The following PHAF1 variants were observed in gnomAD, a reference collection of about 807,000 sequenced individuals.
PHAF1 encodes the protein phagophore assembly factor 1.
Under a neutral mutation model 63.1 loss-of-function variants are expected in PHAF1, and 23 were observed. The observed-to-expected ratio is 0.36, with a 90% CI of 0.26 to 0.52. PHAF1 has a LOEUF of 0.52. Among genes scored for constraint, PHAF1 ranks in the 20% least tolerant of loss-of-function variants. PHAF1 has a pLI of 0.93. For synonymous variants in PHAF1, 167 were observed against 185.0 expected, an observed-to-expected ratio of 0.90 and a Z score of 0.79; for missense variants, 427 against 517.2, an observed-to-expected ratio of 0.83 and a Z score of 1.69.
chr16:67,113,107 G>A (rs17618203), intron 1 of PHAF1, among the ~76,000 whole-genome samples: 3,606 of 152,330 alleles, frequency 0.024, 58 homozygotes, highest in Non-Finnish European at 0.033. Flanking sequence ...GGCTCAGAGA[G>A]AGAGATGATA....
chr16:67,112,749 A>G (rs1458101098), intron 1 of PHAF1, among the ~76,000 whole-genome samples: 1 of 152,184 alleles, frequency 6.6e-6, no homozygotes, highest in Non-Finnish European at 1.5e-5. Context: ...ATTTCTGTAT[A>G]TTGGGTCAAG....
At position 67,130,506 on chromosome 16, in the gene PHAF1, G is replaced by A. The variant is rs958069591; in HGVS notation, c.232-780G>A. Among the ~76,000 whole-genome samples the A allele has an allele frequency of 6.6e-5, 10 of 152,074 alleles. No individual in the cohort carries two copies. The East Asian group carries it at 7.7e-4, about 12-fold the overall frequency. On this transcript the variant is annotated intron_variant, in intron 3 of 15. Coordinates refer to ENST00000219139, the MANE Select transcript of PHAF1 (RefSeq NM_025187.5). ...TGGGATTACAGGTGTGTGCCACCAC[G>A]CCCAGCTAATTTTTGTATTTTTGGT...
intron 8 of PHAF1, among the ~76,000 whole-genome samples, chr16:67,138,010 C>T (rs1052027974): frequency 2.0e-5 from 3 of 152,138 alleles, no homozygotes; most frequent in Non-Finnish European, 2.9e-5. Context: ...GTCAGTTCAG[C>T]CATCTGGTCT....
Position 67,145,573 on chromosome 16 carries a change from G to A in PHAF1, c.1054G>A (p.Asp352Asn), listed in dbSNP as rs773293966. The A allele has an allele frequency of 4.3e-6, 7 of 1,614,024 alleles. No individual in the cohort carries two copies. The South Asian group carries it at 7.7e-5, about 18-fold the overall frequency. ...CTCCCCTCTATCCCTCTTGCAGTGG[G>A]ACAACATCCAGGAGCTCCTGGGCCA... ...TETCTTYSKW[D>N]NIQELLGHPV... The change falls in exon 14 of 16, where the codon GAC (aspartate) becomes AAC (asparagine). Residue 352 changes from aspartate (D) to asparagine (N), a missense_variant. Transcript: ENST00000219139.
intron 12 of PHAF1, among the ~76,000 whole-genome samples, chr16:67,145,094 G>A (rs1362586526): frequency 6.6e-6 from 1 of 152,102 alleles, no homozygotes; most frequent in Non-Finnish European, 1.5e-5. Flanking sequence ...GGGATTGCCG[G>A]CCTCTGGAGG....
intron 15 of PHAF1, 147 bp downstream of exon 15, chr16:67,146,497 C>G: frequency 4.8e-6 from 4 of 837,286 alleles, no homozygotes; most frequent in South Asian, 2.9e-5. Flanking sequence ...TGCTGCATAC[C>G]TGGCCTCCCC....
chr16:67,134,510 C>A, intron 8 of PHAF1, 43 bp downstream of exon 8: 2 of 1,471,698 alleles, frequency 1.4e-6, no homozygotes, highest in African/African-American at 1.4e-5. Context: ...GCATTATACC[C>A]ATGTTGAGAC....
intron 3 of PHAF1, among the ~76,000 whole-genome samples, chr16:67,130,940 C>A (rs971832265): frequency 3.3e-5 from 5 of 152,138 alleles, no homozygotes; most frequent in African/African-American, 1.2e-4. Flanking sequence ...GAAGGGGAAA[C>A]TGGTTTTTTC....
At chr16:67,117,199 ATT>A (rs750308105) in intron 1 of PHAF1, among the ~76,000 whole-genome samples, 3,981 of 111,934 alleles carry the variant, frequency 0.036, 94 homozygotes, top group South Asian at 0.08. Context: ...TGCCCAGCTA[ATT>A]TTTTTTTTTT....
rs975187802 is a variant in PHAF1 at position 67,134,247 on chromosome 16, A to G, written c.530A>G (p.Asn177Ser). ...AAACGAATGTACATCTACAGTGGCA[A>G]CAGCCTGCAGGATACCAAGTAAGTA... ...TVKRMYIYSGNSLQDTKAPMM... is the reference protein window; with the variant it reads ...TVKRMYIYSGSSLQDTKAPMM... Residue 177 changes from asparagine (N) to serine (S), a missense_variant, in exon 7 of 16, where the codon AAC becomes AGC. Coordinates refer to ENST00000219139, the MANE Select transcript of PHAF1 (RefSeq NM_025187.5). The G allele has an allele frequency of 1.2e-6, 2 of 1,613,768 alleles. No homozygotes were observed. The highest frequency in any genetic ancestry group is 2.7e-5 in the African/African-American group (2 of 74,912).
At chr16:67,146,005 TTC>T (rs1297594716) in intron 14 of PHAF1, among the ~76,000 whole-genome samples, 2 of 152,120 alleles carry the variant, frequency 1.3e-5, no homozygotes, top group Non-Finnish European at 2.9e-5. Context: ...CTGCCTGAGA[TTC>T]TCTCACTCAA....
Position 67,136,867 on chromosome 16 carries a change from G to A in PHAF1, c.661+2400G>A, listed in dbSNP as rs144380979. On this transcript the variant is annotated intron_variant, in intron 8 of 15. Transcript: ENST00000219139. The stretch of plus-strand genomic sequence containing the variant: ...AATGGTTCTTAATTATTAAGAATCT[G>A]GTATATAGGCTGGACACAGTGGCTC... 3.6e-4 allele frequency among the ~76,000 whole-genome samples: 54 copies of A among 152,064 alleles called. No homozygotes were observed. In the East Asian group the frequency reaches 0.01, roughly 29 times the overall value.
intron 1 of PHAF1, among the ~76,000 whole-genome samples, chr16:67,119,569 C>G (rs1365225241): frequency 6.6e-6 from 1 of 150,980 alleles, no homozygotes; most frequent in Non-Finnish European, 1.5e-5. Context: ...TTGCCCAGGC[C>G]GAGTGCAGTG....
chr16:67,145,006 T>G, intron 12 of PHAF1, 129 bp downstream of exon 12: 1 of 1,183,220 alleles, frequency 8.5e-7, no homozygotes, highest in Admixed American at 1.8e-5. Flanking sequence ...TCCTCTGGGG[T>G]GGGCTCATTG....
At chr16:67,146,445 C>G (rs1427624455) in intron 15 of PHAF1, 95 bp downstream of exon 15, 6 of 1,281,638 alleles carry the variant, frequency 4.7e-6, no homozygotes, top group African/African-American at 1.5e-5. Context: ...GAGGGCATCA[C>G]TGCCATAGTG....
intron 1 of PHAF1, among the ~76,000 whole-genome samples, chr16:67,116,470 G>A (rs1177357605): frequency 6.6e-6 from 1 of 152,156 alleles, no homozygotes; most frequent in Non-Finnish European, 1.5e-5. Context: ...GACTGCCATC[G>A]GATGAAGCCA....
chr16:67,124,874 G>A (rs1963123116), intron 2 of PHAF1, among the ~76,000 whole-genome samples: 1 of 150,488 alleles, frequency 6.6e-6, no homozygotes, highest in South Asian at 2.1e-4. Flanking sequence ...CCGCACTCCA[G>A]CCTGGGCAAC....
chr16:67,144,146 C>A (rs2145889980), intron 10 of PHAF1, 148 bp from the exon 11 acceptor site: 1 of 628,022 alleles, frequency 1.6e-6, no homozygotes, highest in East Asian at 2.8e-5. Flanking sequence ...GGCCTGTCCC[C>A]TGGACTGTTG....
At chr16:67,143,699 C>T (rs907108409) in intron 10 of PHAF1, among the ~76,000 whole-genome samples, 13 of 152,122 alleles carry the variant, frequency 8.5e-5, no homozygotes, top group East Asian at 1.9e-4. Context: ...CCTGCCCTCA[C>T]GGAGCTTATA....
Sources: allele counts gnomAD v4.1 joint callset (sites outside exome capture counted in the v4.1 genomes callset), GRCh38; gene constraint gnomAD v4.1.1; transcripts MANE v1.5; gene names NCBI Gene and HGNC (gene_info 2026-07-23, HGNC 2026-07-21).